Variants in SLC39A12 observed in about 807,000 individuals in gnomAD.
SLC39A12 encodes zinc transporter ZIP12.
A neutral mutation model predicts 71.1 loss-of-function variants in SLC39A12; 63 were observed. That is an observed-to-expected ratio of 0.89 (90% CI 0.72 to 1.09). The LOEUF (loss-of-function observed/expected upper bound fraction) is 1.09, where lower values mean the gene tolerates loss of function less well. SLC39A12 is among the 50% of genes least tolerant of loss of function. The probability of loss-of-function intolerance (pLI) is 0.00; values close to 1 mark genes in which losing one functional copy is unlikely to be tolerated. For synonymous variants in SLC39A12, 351 were observed against 301.3 expected (o/e 1.16, Z -1.71); for missense variants, 892 against 812.6 (o/e 1.10, Z -1.19).
chr10:17,983,377 A>T (rs1005099440), intron 6 of SLC39A12, among the ~76,000 whole-genome samples: 9 of 151,984 alleles, frequency 5.9e-5, no homozygotes, highest in African/African-American at 2.2e-4. Flanking sequence ...GGTCTCAGAT[A>T]CTTGGGGGGC....
chr10:17,976,405 C>A (rs1835109808), intron 4 of SLC39A12, among the ~76,000 whole-genome samples: 1 of 151,982 alleles, frequency 6.6e-6, no homozygotes, highest in African/African-American at 2.4e-5. Context: ...ATTTTATCTT[C>A]TGTTGTAGTT....
chr10:17,991,125 C>CTT (rs58262664), intron 7 of SLC39A12, 26 bp from the exon 8 acceptor site: 104,242 of 1,322,418 alleles, frequency 0.079, 362 homozygotes, highest in Non-Finnish European at 0.083. Context: ...TTCTCTCTGC[C>CTT]TTTTTTTTTT....
chr10:18,000,577 T>C, intron 10 of SLC39A12, 90 bp from the exon 11 acceptor site: 1 of 1,178,202 alleles, frequency 8.5e-7, no homozygotes, highest in Non-Finnish European at 1.2e-6. Flanking sequence ...GAATGTCAAG[T>C]GTAGGTGGGA....
At chr10:18,021,575 C>G (rs564279775) in intron 12 of SLC39A12, among the ~76,000 whole-genome samples, 19 of 152,228 alleles carry the variant, frequency 1.2e-4, no homozygotes, top group Non-Finnish European at 2.6e-4. Context: ...CTTTATCCAG[C>G]TTACCACTCT....
chr10:18,005,335 G>C (rs1223623822), intron 12 of SLC39A12: 1 of 152,072 alleles, frequency 6.6e-6, no homozygotes, highest in Non-Finnish European at 1.5e-5. Flanking sequence ...TTCCAGCTTT[G>C]TTGTGACTTT....
At position 17,961,711 on chromosome 10, in the gene SLC39A12, C is replaced by A. The variant is rs782727191; in HGVS notation, c.392C>A (p.Ser131Ter). The A allele has an allele frequency of 8.7e-6, 14 of 1,614,078 alleles. No individual in the cohort carries two copies. In the East Asian group the frequency reaches 2.7e-4, roughly 31 times the overall value. ...ATTCATCAGGAAGAGATCTGTTCTT[C>A]AAAGCTCAACATGAGTAATAAAGAG... ...YIIHQEEICS[S>*]KLNMSNKEYK... is the part of the protein sequence containing the mutation. The change falls in exon 3 of 13, where the codon TCA becomes TAA. Residue 131 changes from serine to a stop codon, truncating the protein, a stop_gained. Transcript: ENST00000377369. LOFTEE classifies it high-confidence loss of function.
intron 4 of SLC39A12, among the ~76,000 whole-genome samples, chr10:17,972,131 C>A (rs1327428512): frequency 6.6e-6 from 1 of 152,194 alleles, no homozygotes; most frequent in African/African-American, 2.4e-5. Context: ...CATATATTTG[C>A]ATAGTTTTCA....
In SLC39A12 at chr10:18,042,932, C is replaced by T; in HGVS notation, c.*99C>T. ...GATTTTTAAATTAAGAATTTTTTAT[C>T]TTAGGCAAAGTGTGTCTCTTTCAAT... On this transcript the variant is annotated 3_prime_UTR_variant, in exon 13 of 13. Transcript: ENST00000377369. 9.8e-7 allele frequency: 1 copy of T among 1,020,078 alleles called. No individual in the cohort carries two copies. Among genetic ancestry groups the T allele is most frequent in the Non-Finnish European group, 1.3e-6 (1 of 755,168 alleles). 63.2% of individuals were successfully genotyped at this position (1,020,078 alleles called of 1,614,324 possible). A position where few individuals can be genotyped will look rare whatever the true frequency, so the allele number is the denominator to read the frequency against.
rs566248147 is a variant in SLC39A12, at chr10:17,954,991, C to A, written c.261+1454C>A. Among the ~76,000 whole-genome samples the A allele has an allele frequency of 2.0e-5, 3 of 152,268 alleles. No individual in the cohort carries two copies. In the South Asian group the frequency reaches 6.2e-4, roughly 32 times the overall value. On this transcript the variant is annotated intron_variant, in intron 2 of 12. Coordinates refer to ENST00000377369, the MANE Select transcript of SLC39A12 (RefSeq NM_001145195.2). ...AGGAAATGTGTTATAATAGGCAACTCATCTGTGATGACATTAATATATATA... is the reference window on the plus strand; with the variant it reads ...AGGAAATGTGTTATAATAGGCAACTAATCTGTGATGACATTAATATATATA...
chr10:18,023,034 T>G lies in SLC39A12; in HGVS notation c.1948-19671T>G, dbSNP rs927829597. On this transcript the variant is annotated intron_variant, in intron 12 of 12. Transcript: ENST00000377369. Reference sequence around the variant, plus strand: ...TTTTTGCATCCATGCCCCTTCTCAGTGCTAAGAGTGTAGGCTCCTCTCCTA... The same window carrying G: ...TTTTTGCATCCATGCCCCTTCTCAGGGCTAAGAGTGTAGGCTCCTCTCCTA... Among the ~76,000 whole-genome samples, 3 of 152,138 alleles carry G rather than the reference T, an allele frequency of 2.0e-5. No homozygotes were observed. In the East Asian group the frequency reaches 5.8e-4, roughly 29 times the overall value.
intron 12 of SLC39A12, among the ~76,000 whole-genome samples, chr10:18,021,110 A>G (rs1380795625): frequency 2.6e-5 from 4 of 152,024 alleles, no homozygotes; most frequent in Non-Finnish European, 5.9e-5. Context: ...TAGGTTTTAC[A>G]TTTAAGTCTT....
chr10:18,037,397 G>GA (rs78642870), intron 12 of SLC39A12, among the ~76,000 whole-genome samples: 3,710 of 152,210 alleles, frequency 0.024, 142 homozygotes, highest in East Asian at 0.19. Flanking sequence ...ATTTCAGATA[G>GA]AAACAGTGAA....
intron 12 of SLC39A12, among the ~76,000 whole-genome samples, chr10:18,037,540 G>A (rs530659905): frequency 2.0e-5 from 3 of 152,228 alleles, no homozygotes; most frequent in Admixed American, 1.3e-4. Flanking sequence ...CTGAGCTAAT[G>A]TTTCTTCAAA....
At chr10:17,965,359 C>T (rs1834797308) in intron 3 of SLC39A12, 124 bp from the exon 4 acceptor site, 1 of 776,996 alleles carries the variant, frequency 1.3e-6, no homozygotes, top group African/African-American at 1.8e-5. Context: ...TCATATTCCT[C>T]AAATGATTCA....
chr10:17,961,406 A>G (rs547987707), intron 2 of SLC39A12, among the ~76,000 whole-genome samples, 175 bp from the exon 3 acceptor site: 2 of 152,318 alleles, frequency 1.3e-5, no homozygotes, highest in African/African-American at 2.4e-5. Flanking sequence ...GGTTCCCTAG[A>G]CAGGCATCAT....
chr10:18,038,798 G>T (rs1482909108), intron 12 of SLC39A12, among the ~76,000 whole-genome samples: 1 of 152,168 alleles, frequency 6.6e-6, no homozygotes, highest in Non-Finnish European at 1.5e-5. Context: ...ACATTTTGGT[G>T]ATTTGATCGA....
intron 9 of SLC39A12, among the ~76,000 whole-genome samples, chr10:17,994,442 C>T (rs1454795625): frequency 6.6e-6 from 1 of 151,830 alleles, no homozygotes; most frequent in East Asian, 1.9e-4. Context: ...ATTTTTTTCC[C>T]AATCAATAAG....
intron 4 of SLC39A12, among the ~76,000 whole-genome samples, chr10:17,972,206 A>C (rs923047869): frequency 6.6e-6 from 1 of 152,138 alleles, no homozygotes; most frequent in African/African-American, 2.4e-5. Context: ...GCTTGATGTT[A>C]TTTCAATTTT....
chr10:18,039,130 C>T (rs529736358), intron 12 of SLC39A12, among the ~76,000 whole-genome samples: 1 of 152,282 alleles, frequency 6.6e-6, no homozygotes, highest in East Asian at 1.9e-4. Context: ...CTAAGAACAG[C>T]CAGGTGGCAG....
Sources: gnomAD v4.1 joint callset for allele counts (sites outside exome capture counted in the v4.1 genomes callset) on GRCh38, gnomAD v4.1.1 for gene constraint, MANE v1.5 for transcripts, NCBI Gene and HGNC (gene_info 2026-07-23, HGNC 2026-07-21) for gene names.